Variants in SLC26A9 observed in about 807,000 individuals in gnomAD.
SLC26A9 encodes the protein anion transporter/exchanger protein 9.
SLC26A9 carries 46 observed loss-of-function variants against 87.1 expected under a neutral mutation model. That is an observed-to-expected ratio of 0.53 (90% CI 0.42 to 0.67). The LOEUF is 0.67. SLC26A9 is among the 30% of genes least tolerant of loss of function. The pLI, the probability that SLC26A9 is intolerant of heterozygous loss-of-function variation, is 0.00. For missense variants in SLC26A9, 927 were observed against 1,018.3 expected, an observed-to-expected ratio of 0.91 and a Z score of 1.22; for synonymous variants, 437 against 409.1, an observed-to-expected ratio of 1.07 and a Z score of -0.82.
At chr1:205,939,046 C>G (rs1295266071) in intron 1 of SLC26A9, among the ~76,000 whole-genome samples, 1 of 152,206 alleles carries the variant, frequency 6.6e-6, no homozygotes, top group Non-Finnish European at 1.5e-5. Context: ...AAATCTGTCT[C>G]TTTCCCATGC....
At chr1:205,929,012 C>T (rs1659196243) in intron 7 of SLC26A9, 103 bp from the exon 8 acceptor site, 2 of 1,497,504 alleles carry the variant, frequency 1.3e-6, no homozygotes, top group African/African-American at 2.8e-5. Flanking sequence ...AATCCCACTC[C>T]CCTGCCTCCT....
intron 1 of SLC26A9, among the ~76,000 whole-genome samples, chr1:205,940,077 T>A (rs1160922860): frequency 3.3e-5 from 5 of 150,274 alleles, no homozygotes; most frequent in Admixed American, 3.3e-4. Flanking sequence ...TTAGAGGGGG[T>A]CTGTAGGGTT....
chr1:205,924,697 C>T (rs1658995362), intron 12 of SLC26A9: 2 of 526,276 alleles, frequency 3.8e-6, no homozygotes, highest in South Asian at 4.7e-5. Context: ...CTGTGGTTGC[C>T]TGATCTTGTC....
intron 7 of SLC26A9, 88 bp from the exon 8 acceptor site, chr1:205,928,997 C>T: frequency 6.5e-7 from 1 of 1,529,032 alleles, no homozygotes; most frequent in Non-Finnish European, 9.0e-7. Context: ...TCTCTGGGGA[C>T]CCTGAATCCC....
chr1:205,915,368 T>C lies in SLC26A9; in HGVS notation c.2365A>G (p.Thr789Ala). ...GACTGGCTGAGCCCTCACAGGGCGGTCAGGGTCTCTGCGTGAAACATGCTC... is the reference window on the plus strand; with the variant it reads ...GACTGGCTGAGCCCTCACAGGGCGGCCAGGGTCTCTGCGTGAAACATGCTC... ...FGSMFHAETL[T>A]AL is the part of the protein sequence containing the mutation. The change falls in exon 21 of 21, where the codon ACC becomes GCC. Residue 789 changes from threonine (T) to alanine (A), a missense_variant. By Grantham distance (58) the Thr-to-Ala change is moderately conservative (BLOSUM62 0). Coordinates refer to ENST00000367135, the MANE Select transcript of SLC26A9 (RefSeq NM_052934.4). 6.2e-7 allele frequency: 1 copy of C among 1,613,842 alleles called. No homozygotes were observed. The highest frequency in any genetic ancestry group is 8.5e-7 in the Non-Finnish European group (1 of 1,179,972).
intron 18 of SLC26A9, among the ~76,000 whole-genome samples, chr1:205,919,192 C>G (rs377127274): frequency 1.3e-5 from 2 of 152,248 alleles, no homozygotes; most frequent in African/African-American, 4.8e-5. Flanking sequence ...AGTTTCAACC[C>G]AGAGCAGAAG....
intron 1 of SLC26A9, among the ~76,000 whole-genome samples, chr1:205,936,656 G>A (rs1182628738): frequency 6.6e-6 from 1 of 152,106 alleles, no homozygotes; most frequent in Non-Finnish European, 1.5e-5. Context: ...CTACCTCCCA[G>A]AGCTGGGAGA....
At chr1:205,928,211 T>G (rs910171881) in intron 8 of SLC26A9, 162 bp from the exon 9 acceptor site, 1 of 811,486 alleles carries the variant, frequency 1.2e-6, no homozygotes, top group Non-Finnish European at 1.9e-6. Context: ...CCCCATAGGG[T>G]AGGGACCATC....
chr1:205,925,353 G>A (rs1659022912), intron 12 of SLC26A9, among the ~76,000 whole-genome samples: 1 of 152,152 alleles, frequency 6.6e-6, no homozygotes, highest in Non-Finnish European at 1.5e-5. Context: ...AGTTTTGATA[G>A]TTGCCCCCTA....
At position 205,929,991 on chromosome 1, in the gene SLC26A9, G is replaced by A; in HGVS notation, c.618C>T (p.Gly206=). ...AIYLSESFIR[G]FMTAAGLQIL... The stretch of plus-strand genomic sequence containing the variant: ...TCTGCAGGCCGGCGGCCGTCATGAA[G>A]CCCCGGATGAAGGACTCGGAGAGGT... Residue 206 remains glycine, a synonymous_variant, in exon 6 of 21, where the codon GGC becomes GGT. Coordinates refer to ENST00000367135, the MANE Select transcript of SLC26A9 (RefSeq NM_052934.4). 1 of 1,613,904 alleles carries A rather than the reference G, an allele frequency of 6.2e-7. No individual in the cohort carries two copies. Among genetic ancestry groups the A allele is most frequent in the Non-Finnish European group, 8.5e-7 (1 of 1,179,816 alleles).
At chr1:205,921,429 G>T in intron 17 of SLC26A9, 137 bp downstream of exon 17, 1 of 1,148,394 alleles carries the variant, frequency 8.7e-7, no homozygotes, top group Non-Finnish European at 1.2e-6. Context: ...GGAAAGGAGG[G>T]ATTCCTAGGA....
At chr1:205,932,563 T>G in intron 4 of SLC26A9, 139 bp downstream of exon 4, 1 of 642,894 alleles carries the variant, frequency 1.6e-6, no homozygotes, top group Non-Finnish European at 2.5e-6. Flanking sequence ...GAAATGACAT[T>G]CACAGTGACC....
rs767343779 is a variant in SLC26A9 at position 205,915,320 on chromosome 1, A to G, written c.*37T>C. On this transcript the variant is annotated 3_prime_UTR_variant, in exon 21 of 21. Transcript: ENST00000367135. ...ATCCTTTATGGAAGTCCCAAGTGCC[A>G]GGCACTCTGTAGGCAGCATGAGGAC... 6.2e-6 allele frequency: 10 copies of G among 1,613,640 alleles called. No homozygotes were observed. The Admixed American group carries it at 1.7e-4, about 27-fold the overall frequency.
chr1:205,932,658 T>G lies in SLC26A9; in HGVS notation c.376+44A>C, dbSNP rs28661171. 2.8e-3 allele frequency: 4,083 copies of G among 1,471,422 alleles called. 96 individuals carry two copies. The African/African-American group carries it at 0.051, about 18-fold the overall frequency. 91.1% of individuals were successfully genotyped at this position (1,471,422 alleles called of 1,614,324 possible). A position where few individuals can be genotyped will look rare whatever the true frequency, so the allele number is the denominator to read the frequency against. On this transcript the variant is annotated intron_variant, in intron 4 of 20. Transcript: ENST00000367135. ...GCCCCTTTGCCACACCTCCCATCCT[T>G]GGGGTCTGGGTCATCCTGCCTGCCC...
rs1291187678 is a variant in SLC26A9 at position 205,921,603 on chromosome 1, C to T, written c.2018G>A (p.Ser673Asn). ...CTTGATGCCCATCAAGTCCACGAAG[C>T]TGACTCCACTCATGTCCAGGATGAG... ...HTLILDMSGV[S>N]FVDLMGIKAL... The change falls in exon 17 of 21, where the codon AGC becomes AAC. Residue 673 changes from serine to asparagine, a missense_variant. By Grantham distance (46) the Ser-to-Asn change is conservative. Transcript: ENST00000367135. 6.2e-7 allele frequency: 1 copy of T among 1,611,550 alleles called. No individual in the cohort carries two copies. Among genetic ancestry groups the T allele is most frequent in the South Asian group, 1.1e-5 (1 of 90,740 alleles).
At chr1:205,924,561 G>T (rs1571738662) in intron 12 of SLC26A9, 72 bp from the exon 13 acceptor site, 2 of 1,376,952 alleles carry the variant, frequency 1.5e-6, no homozygotes, top group Non-Finnish European at 2.0e-6. Context: ...TCCTGGATTA[G>T]CCAAGGCCAT....
At chr1:205,925,488 C>T (rs1010118782) in intron 12 of SLC26A9, among the ~76,000 whole-genome samples, 7 of 152,134 alleles carry the variant, frequency 4.6e-5, no homozygotes, top group South Asian at 4.1e-4. Flanking sequence ...ACCACCATAG[C>T]GGGGGCTTGT....
In SLC26A9 at chr1:205,926,582, G is replaced by T. The variant is rs1341893187; in HGVS notation, c.1342C>A (p.Gln448Lys). The T allele has an allele frequency of 1.2e-6, 2 of 1,614,040 alleles. No homozygotes were observed. Among genetic ancestry groups the T allele is most frequent in the African/African-American group, 1.3e-5 (1 of 74,914 alleles). ...CACAGGTAGTAGGGGTCGGTGAGTT[G>T]CTTGAGGGAGTTCTTGAGATTGACA... The part of the protein sequence containing the change: ...IAVNLKNSLK[Q>K]LTDPYYLWRK... The change falls in exon 12 of 21, where the codon CAA (glutamine) becomes AAA (lysine). Residue 448 changes from glutamine (Q) to lysine (K), a missense_variant. By Grantham distance (53) the Gln-to-Lys change is moderately conservative. Transcript: ENST00000367135.
At chr1:205,930,491 G>A (rs1173225793) in intron 5 of SLC26A9, among the ~76,000 whole-genome samples, 1 of 152,126 alleles carries the variant, frequency 6.6e-6, no homozygotes, top group African/African-American at 2.4e-5. Context: ...GTCTTCGCCT[G>A]CATTATTCCT....
Sources: allele counts gnomAD v4.1 joint callset (sites outside exome capture counted in the v4.1 genomes callset), GRCh38; gene constraint gnomAD v4.1.1; transcripts MANE v1.5; gene names NCBI Gene and HGNC (gene_info 2026-07-23, HGNC 2026-07-21).